ARL15: variants seen among roughly 807,000 people sequenced by gnomAD.
The protein encoded by ARL15 is ARF like GTPase 15.
ARL15 carries 19 observed loss-of-function variants against 25.2 expected under a neutral mutation model. That is an observed-to-expected ratio of 0.75 (90% CI 0.53 to 1.10). The LOEUF (loss-of-function observed/expected upper bound fraction) is 1.10. ARL15 is among the 50% of genes least tolerant of loss of function. The pLI is 0.00. For missense variants in ARL15, 220 were observed against 246.0 expected, an observed-to-expected ratio of 0.89 and a Z score of 0.71; for synonymous variants, 94 against 86.8, an observed-to-expected ratio of 1.08 and a Z score of -0.46.
At chr5:53,909,866 A>C (rs767642729) in intron 4 of ARL15, among the ~76,000 whole-genome samples, 6 of 152,256 alleles carry the variant, frequency 3.9e-5, no homozygotes, top group Non-Finnish European at 7.3e-5. Flanking sequence ...AGTTATATGA[A>C]TGTGAAGCAC....
chr5:54,111,752 G>T (rs1752749587), intron 4 of ARL15, among the ~76,000 whole-genome samples: 1 of 152,080 alleles, frequency 6.6e-6, no homozygotes, highest in South Asian at 2.1e-4. Context: ...CATATTACAA[G>T]ATTTTTTAGA....
intron 2 of ARL15, among the ~76,000 whole-genome samples, chr5:54,158,354 C>T (rs277329): frequency 6.6e-6 from 1 of 151,952 alleles, no homozygotes; most frequent in Admixed American, 6.6e-5. Flanking sequence ...GTATTCAGTA[C>T]CCCTCCTAGG....
At chr5:54,267,321 G>A (rs1037119074) in intron 1 of ARL15, among the ~76,000 whole-genome samples, 1 of 152,110 alleles carries the variant, frequency 6.6e-6, no homozygotes, top group Non-Finnish European at 1.5e-5. Context: ...TCGATCTCCC[G>A]ACCTTGTGAT....
At chr5:54,108,784 G>A (rs996545275) in intron 4 of ARL15, among the ~76,000 whole-genome samples, 11 of 151,856 alleles carry the variant, frequency 7.2e-5, no homozygotes, top group African/African-American at 1.9e-4. Flanking sequence ...AGTACACAAG[G>A]TAGAAATAAT....
At chr5:54,127,872 A>G (rs1259867128) in intron 3 of ARL15, among the ~76,000 whole-genome samples, 1 of 151,794 alleles carries the variant, frequency 6.6e-6, no homozygotes, top group Non-Finnish European at 1.5e-5. Context: ...CCGCATATCT[A>G]CAACTATCTG....
At chr5:54,055,165 C>G in intron 4 of ARL15, among the ~76,000 whole-genome samples, 1 of 152,040 alleles carries the variant, frequency 6.6e-6, no homozygotes, top group Admixed American at 6.6e-5. Flanking sequence ...CCAATCCCTA[C>G]ACTCTCCCTG....
intron 4 of ARL15, among the ~76,000 whole-genome samples, chr5:53,912,823 A>G (rs1745508984): frequency 6.6e-6 from 1 of 152,258 alleles, no homozygotes; most frequent in African/African-American, 2.4e-5. Flanking sequence ...ATACTCTTCT[A>G]GAGACTAAAG....
chr5:54,120,131 A>G (rs1049292758), intron 3 of ARL15, among the ~76,000 whole-genome samples: 1 of 152,210 alleles, frequency 6.6e-6, no homozygotes, highest in Non-Finnish European at 1.5e-5. Context: ...ATTTCTCAAA[A>G]GTAGAATGTA....
At chr5:54,081,635 A>G (rs1751799927) in intron 4 of ARL15, among the ~76,000 whole-genome samples, 1 of 152,094 alleles carries the variant, frequency 6.6e-6, no homozygotes, top group Non-Finnish European at 1.5e-5. Flanking sequence ...CCCTTTGTTC[A>G]GCACTTCCCC....
chr5:54,011,044 A>G (rs1428563512), intron 4 of ARL15, among the ~76,000 whole-genome samples: 6 of 151,976 alleles, frequency 3.9e-5, no homozygotes, highest in Non-Finnish European at 7.4e-5. Context: ...CTGTGGAAGA[A>G]GTCCTTAGTG....
intron 1 of ARL15, among the ~76,000 whole-genome samples, chr5:54,261,729 T>C (rs1043432665): frequency 6.6e-6 from 1 of 152,026 alleles, no homozygotes; most frequent in Non-Finnish European, 1.5e-5. Flanking sequence ...ACCTGTTATA[T>C]GGGGTACTGA....
rs544015140 is a variant in ARL15 at position 54,052,723 on chromosome 5, A to G, written c.462+60479T>C. 7.2e-5 allele frequency among the ~76,000 whole-genome samples: 11 copies of G among 152,134 alleles called. No homozygotes were observed. In the South Asian group the frequency reaches 2.1e-3, roughly 29 times the overall value. On this transcript the variant is annotated intron_variant, in intron 4 of 4. Transcript: ENST00000504924. Reference sequence around the variant, plus strand: ...TACATATAAAAATGTTTTTATATGTATATACATGGGCCAGCACACACACAC... The same window carrying G: ...TACATATAAAAATGTTTTTATATGTGTATACATGGGCCAGCACACACACAC...
intron 3 of ARL15, among the ~76,000 whole-genome samples, chr5:54,114,656 G>C (rs975243475): frequency 1.3e-5 from 2 of 152,160 alleles, no homozygotes; most frequent in Non-Finnish European, 2.9e-5. Flanking sequence ...CAGAGGTAAA[G>C]TAAGTGATCC....
chr5:54,176,630 CCT>C (rs1754880872), intron 1 of ARL15, among the ~76,000 whole-genome samples: 1 of 152,080 alleles, frequency 6.6e-6, no homozygotes, highest in Non-Finnish European at 1.5e-5. Context: ...CAAACTCAGG[CCT>C]CATTCCCAGG....
chr5:53,968,700 G>A (rs1056505160), intron 4 of ARL15, among the ~76,000 whole-genome samples: 16 of 151,792 alleles, frequency 1.1e-4, no homozygotes, highest in Non-Finnish European at 1.5e-4. Flanking sequence ...TAGTAGAGAC[G>A]GGGTTTGACC....
chr5:54,269,976 A>G (rs1363411957), intron 1 of ARL15, among the ~76,000 whole-genome samples: 1 of 152,238 alleles, frequency 6.6e-6, no homozygotes, highest in East Asian at 1.9e-4. Flanking sequence ...AGGATGAGAT[A>G]CAGTTCAGCA....
chr5:54,133,509 C>T (rs1050532847), intron 3 of ARL15, among the ~76,000 whole-genome samples: 1 of 152,124 alleles, frequency 6.6e-6, no homozygotes, highest in Admixed American at 6.5e-5. Flanking sequence ...GCAGGCATAT[C>T]GCTATTAACA....
At chr5:53,953,507 T>A (rs1747045683) in intron 4 of ARL15, among the ~76,000 whole-genome samples, 1 of 152,160 alleles carries the variant, frequency 6.6e-6, no homozygotes, top group African/African-American at 2.4e-5. Flanking sequence ...TTGAGGTAAA[T>A]CCTCATTAGA....
chr5:54,012,629 A>G (rs1229784660), intron 4 of ARL15, among the ~76,000 whole-genome samples: 1 of 151,884 alleles, frequency 6.6e-6, no homozygotes, highest in Non-Finnish European at 1.5e-5. Context: ...GCTTCAAGCA[A>G]TTCTCCTGCC....
Sources: gnomAD v4.1 joint callset for allele counts (sites outside exome capture counted in the v4.1 genomes callset) on GRCh38, gnomAD v4.1.1 for gene constraint, MANE v1.5 for transcripts, NCBI Gene and HGNC (gene_info 2026-07-23, HGNC 2026-07-21) for gene names.